ZCCHC7: variants seen among roughly 807,000 people sequenced by gnomAD.
ZCCHC7 encodes zinc finger CCHC domain-containing protein 7.
Under a neutral mutation model 52.0 loss-of-function variants are expected in ZCCHC7, and 35 were observed. The observed-to-expected ratio is 0.67, with a 90% confidence interval of 0.51 to 0.89. The LOEUF is 0.89. ZCCHC7 is among the 40% of genes least tolerant of loss of function. The pLI, the probability that ZCCHC7 is intolerant of heterozygous loss-of-function variation, is 0.00. For missense variants in ZCCHC7, 574 were observed against 649.1 expected, an observed-to-expected ratio of 0.88 and a Z score of 1.26; for synonymous variants, 217 against 221.5, an observed-to-expected ratio of 0.98 and a Z score of 0.18.
At chr9:37,267,374 G>C (rs1295304322) in intron 2 of ZCCHC7, among the ~76,000 whole-genome samples, 1 of 151,834 alleles carries the variant, frequency 6.6e-6, no homozygotes, top group East Asian at 1.9e-4. Context: ...TAATGAAATT[G>C]CATCTCTGTC....
chr9:37,352,352 T>C (rs183168407), intron 7 of ZCCHC7, among the ~76,000 whole-genome samples: 146 of 152,200 alleles, frequency 9.6e-4, no homozygotes, highest in African/African-American at 3.4e-3. Flanking sequence ...ACTCACTCTC[T>C]AGCTGGGGAA....
intron 2 of ZCCHC7, among the ~76,000 whole-genome samples, chr9:37,187,779 A>T (rs1308014563): frequency 6.6e-6 from 1 of 152,090 alleles, no homozygotes; most frequent in Non-Finnish European, 1.5e-5. Context: ...TGTTCAGTAC[A>T]GATGCAATTT....
chr9:37,274,170 A>G (rs370381505), intron 2 of ZCCHC7, among the ~76,000 whole-genome samples: 2 of 151,998 alleles, frequency 1.3e-5, no homozygotes, highest in South Asian at 2.1e-4. Flanking sequence ...TAGCTTTATA[A>G]TCATTTGTGT....
chr9:37,218,728 GA>G (rs1376014173), intron 2 of ZCCHC7, among the ~76,000 whole-genome samples: 5 of 152,194 alleles, frequency 3.3e-5, no homozygotes, highest in African/African-American at 1.2e-4. Context: ...AGAATCGCTT[GA>G]ACCTGGGAGA....
chr9:37,237,714 T>G (rs1006757972), intron 2 of ZCCHC7, among the ~76,000 whole-genome samples: 1 of 152,310 alleles, frequency 6.6e-6, no homozygotes, highest in South Asian at 2.1e-4. Flanking sequence ...AGAAGAGATG[T>G]GACATGCAAG....
At chr9:37,267,320 T>A (rs150361792) in intron 2 of ZCCHC7, among the ~76,000 whole-genome samples, 102 of 152,282 alleles carry the variant, frequency 6.7e-4, no homozygotes, top group African/African-American at 2.4e-3. Context: ...TAGCATTCCC[T>A]CTTGCTGAAA....
chr9:37,177,068 G>A (rs1822076079), intron 2 of ZCCHC7, among the ~76,000 whole-genome samples: 1 of 152,216 alleles, frequency 6.6e-6, no homozygotes, highest in East Asian at 1.9e-4. Context: ...TAGGCCGGGT[G>A]TGGTGGCTTA....
chr9:37,333,275 T>C (rs951021810), intron 6 of ZCCHC7, among the ~76,000 whole-genome samples: 5 of 151,716 alleles, frequency 3.3e-5, no homozygotes, highest in African/African-American at 1.2e-4. Context: ...AGCTGTGCTT[T>C]TGCCATCTTC....
chr9:37,197,287 G>A (rs925889110), intron 2 of ZCCHC7, among the ~76,000 whole-genome samples: 1 of 152,172 alleles, frequency 6.6e-6, no homozygotes, highest in Non-Finnish European at 1.5e-5. Flanking sequence ...TGTCCTGGAA[G>A]CAGCTCTTAT....
Position 37,327,800 on chromosome 9 carries a change from C to T in ZCCHC7, c.953C>T (p.Ala318Val), listed in dbSNP as rs761674496. ...RCHMLGHYTD[A>V]CTEIWRQYHL... ...CTGATCAATATTTTTATTTTCCAGG[C>T]TTGCACAGAAATCTGGAGGCAGTAT... Residue 318 changes from alanine (A) to valine (V), a missense_variant and splice_region_variant, in exon 6 of 9, where the codon GCT (alanine) becomes GTT (valine). Ala to Val is a moderately conservative substitution (Grantham distance 64, BLOSUM62 0). Around this residue, in one of 3 missense-constraint regions of ZCCHC7, gnomAD observed 403 missense variants for 461.2 expected, o/e 0.87. Coordinates refer to ENST00000336755, the MANE Select transcript of ZCCHC7 (RefSeq NM_032226.3). 1.2e-6 allele frequency: 2 copies of T among 1,612,990 alleles called. No individual in the cohort carries two copies. Among genetic ancestry groups the T allele is most frequent in the Non-Finnish European group, 1.7e-6 (2 of 1,179,254 alleles).
chr9:37,233,411 T>A (rs1180627586), intron 2 of ZCCHC7, among the ~76,000 whole-genome samples: 1 of 152,354 alleles, frequency 6.6e-6, no homozygotes, highest in African/African-American at 2.4e-5. Context: ...TTGGGTATAA[T>A]ATGCTTATAA....
rs956290302 is a variant in ZCCHC7, at chr9:37,318,746, C to T, written c.952-9053C>T. Among the ~76,000 whole-genome samples, 2 of 151,680 alleles carry T rather than the reference C, an allele frequency of 1.3e-5. 1 individual carries two copies. Among genetic ancestry groups the T allele is most frequent in the African/African-American group, 4.8e-5 (2 of 41,308 alleles). On this transcript the variant is annotated intron_variant, in intron 5 of 8. Coordinates refer to ENST00000336755, the MANE Select transcript of ZCCHC7 (RefSeq NM_032226.3). Reference sequence around the variant, plus strand: ...TGGCCAACATGTTGAAACCCTGTCTCTCCTAAAAATACAAAAATTAGCCAG... The same window carrying T: ...TGGCCAACATGTTGAAACCCTGTCTTTCCTAAAAATACAAAAATTAGCCAG...
At chr9:37,316,029 A>AG (rs200906007) in intron 5 of ZCCHC7, among the ~76,000 whole-genome samples, 4,505 of 149,898 alleles carry the variant, frequency 0.03, 249 homozygotes, top group African/African-American at 0.11. Context: ...AAAAAAAAAA[A>AG]GGGTTCCTTT....
At position 37,356,928 on chromosome 9, in the gene ZCCHC7, G is replaced by T. The variant is rs760146756; in HGVS notation, c.1292G>T (p.Arg431Leu). The T allele has an allele frequency of 1.2e-6, 2 of 1,613,794 alleles. No individual in the cohort carries two copies. Among genetic ancestry groups the T allele is most frequent in the Non-Finnish European group, 8.5e-7 (1 of 1,179,932 alleles). The change falls in exon 9 of 9, where the codon CGT (arginine) becomes CTT (leucine). Residue 431 changes from arginine (R) to leucine (L), a missense_variant. By Grantham distance (102) the Arg-to-Leu change is moderately radical. Coordinates refer to ENST00000336755, the MANE Select transcript of ZCCHC7 (RefSeq NM_032226.3). ...CCCCACCATGATATAAGGAAGGGCCGTGCCTCATGGAAAAGCAACAGGTGG... is the reference window on the plus strand; with the variant it reads ...CCCCACCATGATATAAGGAAGGGCCTTGCCTCATGGAAAAGCAACAGGTGG... ...ENPHHDIRKG[R>L]ASWKSNRWPQ...
chr9:37,130,280 T>G (rs1842719470), intron 2 of ZCCHC7, among the ~76,000 whole-genome samples: 1 of 148,654 alleles, frequency 6.7e-6, no homozygotes, highest in Admixed American at 6.7e-5. Context: ...AATGACATAG[T>G]GTTTCACTAA....
chr9:37,283,752 A>G (rs1828079911), intron 2 of ZCCHC7, among the ~76,000 whole-genome samples: 1 of 152,162 alleles, frequency 6.6e-6, no homozygotes, highest in Non-Finnish European at 1.5e-5. Flanking sequence ...CCAGTTTATT[A>G]AAACAGAAAG....
chr9:37,310,499 A>G (rs1034655984), intron 5 of ZCCHC7, among the ~76,000 whole-genome samples: 1 of 152,200 alleles, frequency 6.6e-6, no homozygotes, highest in East Asian at 1.9e-4. Flanking sequence ...TTTAATCCTC[A>G]TAAGCAGGAT....
chr9:37,263,986 G>T (rs897696683), intron 2 of ZCCHC7, among the ~76,000 whole-genome samples: 2 of 152,164 alleles, frequency 1.3e-5, no homozygotes, highest in African/African-American at 2.4e-5. Flanking sequence ...TCCTGAACTT[G>T]GTGATCATGG....
chr9:37,236,412 A>ATT (rs201501587), intron 2 of ZCCHC7, among the ~76,000 whole-genome samples: 8 of 146,714 alleles, frequency 5.5e-5, no homozygotes, highest in East Asian at 2.0e-4. Flanking sequence ...GTGCTATCAG[A>ATT]TTTTTTTTTT....
Sources: allele counts gnomAD v4.1 joint callset (sites outside exome capture counted in the v4.1 genomes callset), GRCh38; gene constraint gnomAD v4.1.1; regional missense constraint gnomAD v4.1.1; transcripts MANE v1.5; gene names NCBI Gene and HGNC (gene_info 2026-07-23, HGNC 2026-07-21).